The following LRBA variants were observed in gnomAD, a reference collection of about 807,000 sequenced individuals.
LRBA encodes the protein lipopolysaccharide-responsive and beige-like anchor protein.
LRBA carries 176 observed loss-of-function variants against 330.0 expected under a neutral mutation model. That is an observed-to-expected ratio of 0.53 (90% CI 0.47 to 0.60). The LOEUF (loss-of-function observed/expected upper bound fraction) is 0.60. Ranked by LOEUF, LRBA falls within the 20% of genes least tolerant of loss-of-function variation. LRBA has a pLI of 0.00. For synonymous variants in LRBA, 1,230 were observed against 1,193.0 expected, an observed-to-expected ratio of 1.03 and a Z score of -0.64; for missense variants, 3,259 against 3,444.8, an observed-to-expected ratio of 0.95 and a Z score of 1.35.
At chr4:150,402,187 G>T (rs1581212022) in intron 47 of LRBA, among the ~76,000 whole-genome samples, 1 of 150,368 alleles carries the variant, frequency 6.7e-6, no homozygotes. Context: ...TTATAAGTTT[G>T]GAATTATTTG....
intron 34 of LRBA, among the ~76,000 whole-genome samples, chr4:150,782,715 C>T (rs1224737438): frequency 1.3e-5 from 2 of 152,070 alleles, no homozygotes; most frequent in African/African-American, 4.8e-5. Context: ...GACATTTTTC[C>T]AAATAAACTA....
chr4:150,370,202 G>A (rs1481252885), intron 47 of LRBA, among the ~76,000 whole-genome samples: 3 of 152,096 alleles, frequency 2.0e-5, no homozygotes, highest in South Asian at 2.1e-4. Flanking sequence ...CAAATGAGAG[G>A]AAAATTTATG....
intron 2 of LRBA, among the ~76,000 whole-genome samples, chr4:150,991,022 C>A: frequency 7.4e-6 from 1 of 134,690 alleles, no homozygotes; most frequent in African/African-American, 2.8e-5. Flanking sequence ...CACAGCATTC[C>A]AACCTGAGTG....
chr4:150,712,686 A>T (rs1332834034), intron 36 of LRBA, among the ~76,000 whole-genome samples: 1 of 152,196 alleles, frequency 6.6e-6, no homozygotes, highest in Non-Finnish European at 1.5e-5. Context: ...CTGCCAAAAA[A>T]TTACGCTACG....
intron 22 of LRBA, among the ~76,000 whole-genome samples, chr4:150,861,274 T>TGG (rs1451002773): frequency 1.8e-4 from 23 of 130,676 alleles, no homozygotes; most frequent in African/African-American, 9.2e-4. Context: ...GCTAATGGTG[T>TGG]GTGTGTGTGT....
chr4:150,588,678 G>C (rs894251229), intron 39 of LRBA, among the ~76,000 whole-genome samples: 1 of 152,150 alleles, frequency 6.6e-6, no homozygotes, highest in African/African-American at 2.4e-5. Flanking sequence ...TTTTCTGATA[G>C]AGATTTTATG....
chr4:150,902,352 T>A (rs1223706419), intron 13 of LRBA, among the ~76,000 whole-genome samples: 1 of 152,062 alleles, frequency 6.6e-6, no homozygotes, highest in Non-Finnish European at 1.5e-5. Flanking sequence ...CACATTAAAA[T>A]AACTGAAAAA....
chr4:150,833,229 C>T (rs910547442), intron 28 of LRBA, among the ~76,000 whole-genome samples: 1 of 151,834 alleles, frequency 6.6e-6, no homozygotes, highest in African/African-American at 2.4e-5. Context: ...ATATCACTGA[C>T]CTCTTTATCT....
intron 20 of LRBA, among the ~76,000 whole-genome samples, chr4:150,869,986 T>C (rs17027156): frequency 6.6e-6 from 1 of 152,076 alleles, no homozygotes; most frequent in Non-Finnish European, 1.5e-5. Flanking sequence ...CCTAACCACA[T>C]AAAATGTAAT....
chr4:150,880,989 T>C (rs1049885459), intron 17 of LRBA, among the ~76,000 whole-genome samples: 1 of 152,136 alleles, frequency 6.6e-6, no homozygotes, highest in African/African-American at 2.4e-5. Flanking sequence ...AATAATGAGA[T>C]ACCATCTCAG....
At chr4:150,833,855 G>A (rs1386698851) in intron 28 of LRBA, among the ~76,000 whole-genome samples, 1 of 151,966 alleles carries the variant, frequency 6.6e-6, no homozygotes, top group Non-Finnish European at 1.5e-5. Flanking sequence ...CAGGATTGGA[G>A]TCATTCCTCT....
chr4:150,964,272 G>T (rs554983066), intron 2 of LRBA, among the ~76,000 whole-genome samples: 1 of 148,092 alleles, frequency 6.8e-6, no homozygotes, highest in Non-Finnish European at 1.5e-5. Flanking sequence ...CAGCAGCCCC[G>T]TCTGGGAAGT....
intron 40 of LRBA, among the ~76,000 whole-genome samples, chr4:150,541,167 G>A (rs1025536022): frequency 6.6e-6 from 1 of 152,084 alleles, no homozygotes; most frequent in African/African-American, 2.4e-5. Context: ...TTATTTTCTT[G>A]GCTTGTTCCA....
At chr4:150,287,066 T>C (rs1338505776) in intron 53 of LRBA, among the ~76,000 whole-genome samples, 1 of 152,084 alleles carries the variant, frequency 6.6e-6, no homozygotes, top group African/African-American at 2.4e-5. Context: ...GGTTTTATAG[T>C]ATGCTTGATA....
chr4:150,749,486 T>G (rs887291944), intron 35 of LRBA, among the ~76,000 whole-genome samples: 1 of 152,156 alleles, frequency 6.6e-6, no homozygotes, highest in Non-Finnish European at 1.5e-5. Context: ...ACAACCCCAG[T>G]GACTCATGCC....
At chr4:150,732,028 A>G (rs1730524061) in intron 36 of LRBA, among the ~76,000 whole-genome samples, 1 of 152,150 alleles carries the variant, frequency 6.6e-6, no homozygotes, top group South Asian at 2.1e-4. Flanking sequence ...CAATGACATA[A>G]TTACACTGAA....
intron 42 of LRBA, among the ~76,000 whole-genome samples, chr4:150,479,796 T>A (rs548302837): frequency 1.4e-4 from 21 of 152,300 alleles, no homozygotes; most frequent in African/African-American, 5.1e-4. Context: ...TCCCATGTCA[T>A]GTAACACTCC....
At chr4:150,828,925 GTGTGTGT>G (rs1560878401) in intron 29 of LRBA, among the ~76,000 whole-genome samples, 3 of 108,024 alleles carry the variant, frequency 2.8e-5, no homozygotes, top group East Asian at 4.7e-4. Context: ...TTTTGGGGGT[GTGTGTGT>G]GTGTGTGTGT....
intron 13 of LRBA, among the ~76,000 whole-genome samples, chr4:150,903,980 A>AAGGACCATG (rs1731039488): frequency 6.6e-6 from 1 of 152,242 alleles, no homozygotes; most frequent in East Asian, 1.9e-4. Flanking sequence ...ATATTTGTTG[A>AAGGACCATG]GTAAATGAAG....
Sources: gnomAD v4.1 joint callset for allele counts (sites outside exome capture counted in the v4.1 genomes callset) on GRCh38, gnomAD v4.1.1 for gene constraint, MANE v1.5 for transcripts, NCBI Gene and HGNC (gene_info 2026-07-23, HGNC 2026-07-21) for gene names.